AVIL: variants seen among roughly 807,000 people sequenced by gnomAD.
AVIL encodes the protein advillin.
Under a neutral mutation model 109.9 loss-of-function variants are expected in AVIL, and 78 were observed. The observed-to-expected ratio is 0.71, with a 90% CI of 0.59 to 0.86. The LOEUF (loss-of-function observed/expected upper bound fraction) is 0.86. Ranked by LOEUF, AVIL falls within the 40% of genes least tolerant of loss-of-function variation. The pLI, the probability that AVIL is intolerant of heterozygous loss-of-function variation, is 0.00. For missense variants in AVIL, 892 were observed against 1,016.5 expected (o/e 0.88, Z 1.67); for synonymous variants, 367 against 379.1 (o/e 0.97, Z 0.37).
intron 6 of AVIL, 22 bp from the exon 7 acceptor site, chr12:57,810,573 G>A (rs1374635535): frequency 1.2e-6 from 2 of 1,611,542 alleles, no homozygotes; most frequent in East Asian, 2.2e-5. Flanking sequence ...GCCCAAGGAA[G>A]CCCTCAGCTC....
intron 19 of AVIL, among the ~76,000 whole-genome samples, chr12:57,799,157 G>A (rs1955795998): frequency 6.6e-6 from 1 of 152,192 alleles, no homozygotes. Flanking sequence ...CCTCCCTGGG[G>A]AGGTGATATT....
At chr12:57,799,708 G>GGAGCTGTCCTAGGCCATTTGCT in intron 19 of AVIL, 87 bp downstream of exon 19, 2 of 1,565,842 alleles carry the variant, frequency 1.3e-6, no homozygotes, top group Non-Finnish European at 1.7e-6. Flanking sequence ...ACAATGTGCC[G>GGAGCTGTCCTAGGCCATTTGCT]GAGCTGTCCT....
chr12:57,815,830 G>A (rs986673945), intron 2 of AVIL, 145 bp downstream of exon 2: 26 of 1,528,324 alleles, frequency 1.7e-5, no homozygotes, highest in Non-Finnish European at 2.3e-5. Flanking sequence ...GTGAAGGATG[G>A]GAAATAGGTA....
chr12:57,798,091 A>G (rs1403828197), intron 19 of AVIL, 96 bp from the exon 20 acceptor site: 23 of 720,314 alleles, frequency 3.2e-5, no homozygotes, highest in Non-Finnish European at 3.1e-5. Flanking sequence ...TTCTAGGTGG[A>G]TCCTTGAAGA....
At chr12:57,806,133 CTTTTTTTTTTT>C (rs372846869) in intron 14 of AVIL, 11 of 142,460 alleles carry the variant, frequency 7.7e-5, no homozygotes, top group Non-Finnish European at 1.3e-4. Flanking sequence ...CCGTGCCCAG[CTTTTTTTTTTT>C]TTTTTTTTTT....
In AVIL at chr12:57,799,778, T is replaced by C; in HGVS notation, c.2346+17A>G. The C allele has an allele frequency of 6.2e-7, 1 of 1,613,546 alleles. No homozygotes were observed. Among genetic ancestry groups the C allele is most frequent in the East Asian group, 2.2e-5 (1 of 44,884 alleles). ...AGAGCTCCACTTCCAACAGACACAG[T>C]TCCTTCAGCCACTCACCTCCTTTTT... On this transcript the variant is annotated intron_variant, in intron 19 of 19. Transcript: ENST00000549994.
At chr12:57,803,814 G>T (rs1027436113) in intron 14 of AVIL, 145 bp from the exon 15 acceptor site, 15 of 1,159,330 alleles carry the variant, frequency 1.3e-5, no homozygotes, top group Non-Finnish European at 1.7e-5. Flanking sequence ...AGACAAGTTT[G>T]TTCTAGTGCT....
Position 57,813,281 on chromosome 12 carries a change from T to G in AVIL, c.284A>C (p.Glu95Ala). Residue 95 changes from glutamate (E) to alanine (A), a missense_variant, in exon 4 of 20, where the codon GAG (glutamate) becomes GCG (alanine). Glu to Ala is a moderately radical substitution (Grantham distance 107). Coordinates refer to ENST00000549994, the MANE Select transcript of AVIL (RefSeq NM_006576.4). ...YLGGSPVQHREVQYHESDTFR... is the reference protein window; with the variant it reads ...YLGGSPVQHRAVQYHESDTFR... ...AGTGTCTGACTCATGGTACTGGACC[T>G]CTCGGTGCTGCACAGGGCTGCCTCC... The G allele has an allele frequency of 6.2e-7, 1 of 1,614,078 alleles. No individual in the cohort carries two copies. The highest frequency in any genetic ancestry group is 8.5e-7 in the Non-Finnish European group (1 of 1,180,010).
In AVIL at chr12:57,803,681, G is replaced by T; in HGVS notation, c.1672-12C>A. ...TCCCCACTAGACCCCTGAGAGTGGG[G>T]CGAGGAGAGCACAGATGTTAGTTGC... On this transcript the variant is annotated splice_polypyrimidine_tract_variant and intron_variant, in intron 14 of 19. Transcript: ENST00000549994. The T allele has an allele frequency of 6.2e-7, 1 of 1,613,224 alleles. No homozygotes were observed. Among genetic ancestry groups the T allele is most frequent in the African/African-American group, 1.3e-5 (1 of 75,030 alleles).
At chr12:57,812,830 C>G (rs1039163469) in intron 4 of AVIL, among the ~76,000 whole-genome samples, 1 of 151,286 alleles carries the variant, frequency 6.6e-6, no homozygotes, top group Non-Finnish European at 1.5e-5. Context: ...GTCCAGTCTC[C>G]GAGTGATGGA....
chr12:57,800,047 A>T, intron 18 of AVIL, 127 bp from the exon 19 acceptor site: 15 of 1,242,392 alleles, frequency 1.2e-5, no homozygotes, highest in Non-Finnish European at 1.7e-5. Context: ...CATCTTTGAT[A>T]ACAATGCTCC....
chr12:57,807,039 C>G (rs764343655), intron 13 of AVIL, among the ~76,000 whole-genome samples: 20 of 152,166 alleles, frequency 1.3e-4, no homozygotes, highest in Non-Finnish European at 2.6e-4. Context: ...AAGAGACCCA[C>G]CTGACTGGAG....
chr12:57,804,731 C>G (rs1162434999), intron 14 of AVIL, among the ~76,000 whole-genome samples: 2 of 152,122 alleles, frequency 1.3e-5, no homozygotes, highest in African/African-American at 4.8e-5. Context: ...ATCACTTGAA[C>G]CCAGGAGGCA....
In AVIL at chr12:57,809,577, T is replaced by C. The variant is rs1465828764; in HGVS notation, c.939+20A>G. On this transcript the variant is annotated intron_variant, in intron 9 of 19. Transcript: ENST00000549994. ...CTTAGCAGAATTATTTGAACAGTAT[T>C]GCACATCTGTAGCTCCTACCAGCGC... is the stretch of plus-strand genomic sequence containing the variant. 1 of 1,613,534 alleles carries C rather than the reference T, an allele frequency of 6.2e-7. No homozygotes were observed. The highest frequency in any genetic ancestry group is 1.7e-5 in the Admixed American group (1 of 60,030).
In AVIL at chr12:57,814,200, C is replaced by T; in HGVS notation, c.93G>A (p.Val31=). ...IEKMELALVP[V]SAHGNFYEGD... is the part of the protein sequence containing the mutation. ...CCTCATAGAAGTTGCCGTGGGCGCTCACAGGCACCAGCGCCAGCTCCATTT... is the reference window on the plus strand; with the variant it reads ...CCTCATAGAAGTTGCCGTGGGCGCTTACAGGCACCAGCGCCAGCTCCATTT... Residue 31 remains valine, a synonymous_variant, in exon 3 of 20, where the codon GTG becomes GTA. Coordinates refer to ENST00000549994, the MANE Select transcript of AVIL (RefSeq NM_006576.4). The T allele has an allele frequency of 6.2e-7, 1 of 1,613,146 alleles. No homozygotes were observed. The highest frequency in any genetic ancestry group is 8.5e-7 in the Non-Finnish European group (1 of 1,179,788).
intron 18 of AVIL, chr12:57,800,242 C>T (rs1259796840): frequency 4.6e-6 from 1 of 218,816 alleles, no homozygotes. Context: ...TTTTATTTAG[C>T]CCTGCATTTC....
intron 1 of AVIL, among the ~76,000 whole-genome samples, chr12:57,817,694 G>A (rs763362906): frequency 1.3e-5 from 2 of 152,168 alleles, no homozygotes; most frequent in African/African-American, 2.4e-5. Context: ...AGGACTGTGA[G>A]CCTCAGAGGC....
intron 16 of AVIL, chr12:57,802,568 A>T (rs1955872176): frequency 1.4e-6 from 1 of 724,238 alleles, no homozygotes; most frequent in Non-Finnish European, 2.5e-6. Context: ...TGCCTTTCCA[A>T]ATTGGAGCTG....
chr12:57,807,649 G>A lies in AVIL; in HGVS notation c.1273C>T (p.Leu425=). 11 of 1,614,188 alleles carry A rather than the reference G, an allele frequency of 6.8e-6. No homozygotes were observed. The highest frequency in any genetic ancestry group is 8.5e-6 in the Non-Finnish European group (10 of 1,180,034). Residue 425 remains leucine (L), a synonymous_variant, in exon 12 of 20, where the codon CTG becomes TTG. Transcript: ENST00000549994. ...YGFFYGGDCY[L]VLYTYEVNGK... is the part of the protein sequence containing the mutation. Reference sequence around the variant, plus strand: ...TTTACCTCGTATGTGTAGAGGACCAGATAACAGTCTCCCCCATAAAAGAAG... The same window carrying A: ...TTTACCTCGTATGTGTAGAGGACCAAATAACAGTCTCCCCCATAAAAGAAG...
Sources: gnomAD v4.1 joint callset for allele counts (sites outside exome capture counted in the v4.1 genomes callset) on GRCh38, gnomAD v4.1.1 for gene constraint, MANE v1.5 for transcripts, NCBI Gene and HGNC (gene_info 2026-07-23, HGNC 2026-07-21) for gene names.